DNAJA3: variants seen among roughly 807,000 people sequenced by gnomAD.
The protein encoded by DNAJA3 is DnaJ heat shock protein family (Hsp40) member A3.
DNAJA3 carries 29 observed loss-of-function variants against 54.9 expected under a neutral mutation model. That is an observed-to-expected ratio of 0.53 (90% CI 0.39 to 0.72). DNAJA3 has a LOEUF of 0.72. Among genes scored for constraint, DNAJA3 ranks in the 30% least tolerant of loss-of-function variants. The pLI is 0.00. For missense variants in DNAJA3, 708 were observed against 639.4 expected (o/e 1.11, Z -1.16); for synonymous variants, 302 against 251.4 (o/e 1.20, Z -1.90).
At chr16:4,434,650 A>G (rs1168101309) in intron 2 of DNAJA3, 133 bp downstream of exon 2, 19 of 1,125,820 alleles carry the variant, frequency 1.7e-5, no homozygotes, top group Non-Finnish European at 2.4e-5. Context: ...AGGGTGTGAT[A>G]AAGCTGGACT....
rs1428711799 is a variant in DNAJA3, at chr16:4,450,388, C to T, written c.1242-12C>T. ...GCGGAAGCCTTGGCTGCTGACTCTG[C>T]TCGGTCCACAGGAGGCTAACGAGCC... On this transcript the variant is annotated splice_polypyrimidine_tract_variant and intron_variant, in intron 9 of 11. Coordinates refer to ENST00000262375, the MANE Select transcript of DNAJA3 (RefSeq NM_005147.6). 2.5e-6 allele frequency: 4 copies of T among 1,591,326 alleles called. No individual in the cohort carries two copies. Among genetic ancestry groups the T allele is most frequent in the Admixed American group, 1.8e-5 (1 of 56,794 alleles).
chr16:4,444,083 T>C (rs2056872506), intron 6 of DNAJA3, among the ~76,000 whole-genome samples: 1 of 152,216 alleles, frequency 6.6e-6, no homozygotes, highest in South Asian at 2.1e-4. Context: ...TGCTATCGTT[T>C]GGTTAACACC....
intron 3 of DNAJA3, chr16:4,437,759 G>T: frequency 2.9e-6 from 1 of 341,402 alleles, no homozygotes; most frequent in Non-Finnish European, 5.3e-6. Context: ...AGACCAGCTT[G>T]GGCAATGTAG....
chr16:4,427,955 A>T (rs1021108668), intron 1 of DNAJA3, among the ~76,000 whole-genome samples: 4 of 145,300 alleles, frequency 2.8e-5, no homozygotes, highest in Admixed American at 2.1e-4. Flanking sequence ...AACAGAATGA[A>T]TTTTTTTTTT....
At position 4,437,492 on chromosome 16, in the gene DNAJA3, T is replaced by C; in HGVS notation, c.429+7T>C. 1.2e-6 allele frequency: 2 copies of C among 1,612,100 alleles called. No homozygotes were observed. The highest frequency in any genetic ancestry group is 1.7e-6 in the Non-Finnish European group (2 of 1,178,260). On this transcript the variant is annotated splice_region_variant and intron_variant, in intron 3 of 11. Coordinates refer to ENST00000262375, the MANE Select transcript of DNAJA3 (RefSeq NM_005147.6). ...GCTGGCAGAAGCCTATGAGGTAATA[T>C]GACTTCGGTGCATGCGGTCACTGCT...
At chr16:4,450,626 A>G (rs2056966751) in intron 10 of DNAJA3, 129 bp downstream of exon 10, 1 of 693,794 alleles carries the variant, frequency 1.4e-6, no homozygotes, top group Non-Finnish European at 2.3e-6. Flanking sequence ...TGTGCAGTTG[A>G]AAGAGGGGGG....
chr16:4,437,128 G>A (rs960835126), intron 2 of DNAJA3, among the ~76,000 whole-genome samples: 3 of 152,040 alleles, frequency 2.0e-5, no homozygotes, highest in Admixed American at 2.0e-4. Context: ...GTGCCACCAC[G>A]CCTGACTAAT....
At chr16:4,426,640 G>A (rs1007272515) in intron 1 of DNAJA3, among the ~76,000 whole-genome samples, 2 of 152,202 alleles carry the variant, frequency 1.3e-5, no homozygotes, top group South Asian at 2.1e-4. Context: ...TAATTGAAGG[G>A]CACAGTTAAC....
chr16:4,448,601 C>A, intron 8 of DNAJA3, 132 bp from the exon 9 acceptor site: 1 of 673,474 alleles, frequency 1.5e-6, no homozygotes, highest in Middle Eastern at 2.5e-4. Flanking sequence ...CTCGACCTCC[C>A]AAAGTGATGG....
intron 6 of DNAJA3, among the ~76,000 whole-genome samples, chr16:4,443,570 A>C (rs187146078): frequency 1.3e-5 from 2 of 151,896 alleles, no homozygotes; most frequent in Admixed American, 1.3e-4. Flanking sequence ...CTCCATGTCT[A>C]CTGTTCCCTT....
At chr16:4,448,644 A>T (rs996464724) in intron 8 of DNAJA3, 89 bp from the exon 9 acceptor site, 1 of 894,318 alleles carries the variant, frequency 1.1e-6, no homozygotes, top group Non-Finnish European at 1.8e-6. Context: ...TTTTCAAGGA[A>T]TTCCTATCAA....
At chr16:4,443,571 C>G (rs2056864762) in intron 6 of DNAJA3, among the ~76,000 whole-genome samples, 3 of 152,154 alleles carry the variant, frequency 2.0e-5, no homozygotes, top group Admixed American at 6.5e-5. Flanking sequence ...TCCATGTCTA[C>G]TGTTCCCTTG....
At chr16:4,426,986 C>G (rs1317505981) in intron 1 of DNAJA3, 1 of 151,862 alleles carries the variant, frequency 6.6e-6, no homozygotes, top group East Asian at 1.9e-4. Flanking sequence ...GGCTCAATCT[C>G]GACTCACTGC....
intron 9 of DNAJA3, 78 bp from the exon 10 acceptor site, chr16:4,450,322 G>A (rs1343433334): frequency 1.2e-5 from 15 of 1,227,152 alleles, no homozygotes; most frequent in East Asian, 2.6e-5. Flanking sequence ...CATGTGCTGC[G>A]AGGGTGCTGG....
intron 9 of DNAJA3, 52 bp from the exon 10 acceptor site, chr16:4,450,348 T>A: frequency 6.7e-7 from 1 of 1,497,350 alleles, no homozygotes; most frequent in Non-Finnish European, 9.0e-7. Context: ...TGTGAGTTCT[T>A]TCCAAAGCTT....
chr16:4,437,581 G>T (rs2056786826), intron 3 of DNAJA3, 96 bp downstream of exon 3: 2 of 987,796 alleles, frequency 2.0e-6, no homozygotes, highest in Non-Finnish European at 3.1e-6. Context: ...GTGTCATACA[G>T]TCCAGTGTGA....
chr16:4,430,775 G>A (rs1393958061), intron 1 of DNAJA3: 1 of 151,956 alleles, frequency 6.6e-6, no homozygotes, highest in African/African-American at 2.4e-5. Context: ...TGGGGATGGT[G>A]GCTCATGCCT....
At chr16:4,441,088 CT>C in intron 3 of DNAJA3, 3 of 487,340 alleles carry the variant, frequency 6.2e-6, no homozygotes, top group South Asian at 3.2e-5. Context: ...TCCAGGGTGC[CT>C]GTGAGGTCAA....
chr16:4,426,279 GGA>G (rs757650181), intron 1 of DNAJA3, among the ~76,000 whole-genome samples, 187 bp downstream of exon 1: 1 of 152,196 alleles, frequency 6.6e-6, no homozygotes, highest in Non-Finnish European at 1.5e-5. Flanking sequence ...GTCAAGGAAG[GGA>G]GAGAAGCGTG....
Sources: gnomAD v4.1 joint callset for allele counts (sites outside exome capture counted in the v4.1 genomes callset) on GRCh38, gnomAD v4.1.1 for gene constraint, MANE v1.5 for transcripts, NCBI Gene and HGNC (gene_info 2026-07-23, HGNC 2026-07-21) for gene names.